The following MYO10 variants were observed in gnomAD, a reference collection of about 807,000 sequenced individuals.
MYO10 encodes myosin X.
MYO10 carries 133 observed loss-of-function variants against 257.3 expected under a neutral mutation model. The ratio of observed to expected loss-of-function variants is 0.52; its 90% CI spans 0.45 to 0.60. MYO10 has a LOEUF of 0.60. MYO10 is among the 20% of genes least tolerant of loss of function. MYO10 has a pLI of 0.00. For synonymous variants in MYO10, 1,104 were observed against 1,028.6 expected (o/e 1.07, Z -1.40); for missense variants, 2,399 against 2,635.7 (o/e 0.91, Z 1.97).
At position 16,807,322 on chromosome 5, in the gene MYO10, T is replaced by C. The variant is rs1872003; in HGVS notation, c.279+10687A>G. Among the ~76,000 whole-genome samples the C allele has an allele frequency of 2.2e-4, 33 of 152,240 alleles. No homozygotes were observed. In the East Asian group the frequency reaches 4.8e-3, roughly 22 times the overall value. On this transcript the variant is annotated intron_variant, in intron 3 of 40. Transcript: ENST00000513610. Reference sequence around the variant, plus strand: ...TCACACATAGTGACAACTTGACAAATGGCACCACAGCCTACCCAAATGAGT... The same window carrying C: ...TCACACATAGTGACAACTTGACAAACGGCACCACAGCCTACCCAAATGAGT...
At chr5:16,922,078 G>C (rs1348021283) in intron 1 of MYO10, among the ~76,000 whole-genome samples, 1 of 152,062 alleles carries the variant, frequency 6.6e-6, no homozygotes, top group African/African-American at 2.4e-5. Context: ...GCCAGGCGTG[G>C]TGGTGCGTGC....
chr5:16,809,980 A>G (rs1742388065), intron 3 of MYO10, among the ~76,000 whole-genome samples: 1 of 152,106 alleles, frequency 6.6e-6, no homozygotes, highest in Non-Finnish European at 1.5e-5. Flanking sequence ...CAACTGACCC[A>G]GAGCTCCACA....
In MYO10 at chr5:16,699,506, T is replaced by C. The variant is rs1737925577; in HGVS notation, c.3500A>G (p.Asp1167Gly). The part of the protein sequence containing the change: ...DTDDELSYRR[D>G]SVYSCVTLPY... ...CAGAGTGACACAGCTGTACACAGAG[T>C]CACGCCGGTATGAAAGCTCATCATC... The change falls in exon 26 of 41, where the codon GAC becomes GGC. Residue 1167 changes from aspartate (D) to glycine (G), a missense_variant. Physicochemically the swap from Asp to Gly is moderately conservative, Grantham distance 94. Around this residue, in one of 3 missense-constraint regions of MYO10, gnomAD observed 1,820 missense variants for 1,939.4 expected, o/e 0.94. Coordinates refer to ENST00000513610, the MANE Select transcript of MYO10 (RefSeq NM_012334.3). 6.2e-7 allele frequency: 1 copy of C among 1,612,764 alleles called. No individual in the cohort carries two copies. Among genetic ancestry groups the C allele is most frequent in the South Asian group, 1.1e-5 (1 of 91,008 alleles).
intron 34 of MYO10, 133 bp downstream of exon 34, chr5:16,675,898 T>A: frequency 1.8e-6 from 2 of 1,135,516 alleles, no homozygotes; most frequent in Non-Finnish European, 2.5e-6. Flanking sequence ...GTATATTTCA[T>A]CTTTTCCTTC....
chr5:16,878,128 A>T (rs7711618), intron 1 of MYO10, among the ~76,000 whole-genome samples: 3 of 152,088 alleles, frequency 2.0e-5, no homozygotes, highest in Admixed American at 2.0e-4. Context: ...TCCAGAAACC[A>T]GAAGTTTAAC....
rs539147846 is a variant in MYO10 at position 16,702,919 on chromosome 5, C to G, written c.2510+6G>C. 1 of 1,549,892 alleles carries G rather than the reference C, an allele frequency of 6.5e-7. No homozygotes were observed. Among genetic ancestry groups the G allele is most frequent in the African/African-American group, 1.4e-5 (1 of 73,002 alleles). ...TTGTTTCATCCCAGCAAGAAAGGTA[C>G]TGTACCTTTCTTCTTCCTCCCGTTT... is the stretch of plus-strand genomic sequence containing the variant. On this transcript the variant is annotated splice_donor_region_variant and intron_variant, in intron 23 of 40. Transcript: ENST00000513610.
chr5:16,806,844 T>G (rs888002999), intron 3 of MYO10, among the ~76,000 whole-genome samples: 3 of 152,060 alleles, frequency 2.0e-5, no homozygotes, highest in Non-Finnish European at 1.5e-5. Context: ...TGGCACTGCT[T>G]CACTCCCCCG....
intron 1 of MYO10, among the ~76,000 whole-genome samples, chr5:16,906,888 G>A (rs1218798890): frequency 2.0e-5 from 3 of 152,122 alleles, no homozygotes; most frequent in Admixed American, 2.0e-4. Context: ...GAGGCGGGTG[G>A]ATCACCTGAG....
At chr5:16,786,278 G>A (rs1741577698) in intron 4 of MYO10, among the ~76,000 whole-genome samples, 1 of 152,098 alleles carries the variant, frequency 6.6e-6, no homozygotes, top group Non-Finnish European at 1.5e-5. Flanking sequence ...GCAGAGGCTT[G>A]GTCAAAGAAA....
At chr5:16,880,193 T>G (rs1303653259) in intron 1 of MYO10, among the ~76,000 whole-genome samples, 2 of 151,716 alleles carry the variant, frequency 1.3e-5, no homozygotes, top group Non-Finnish European at 2.9e-5. Flanking sequence ...AATAAATAAA[T>G]AAGTAAATAA....
chr5:16,890,149 G>A (rs1309390484), intron 1 of MYO10, among the ~76,000 whole-genome samples: 2 of 151,558 alleles, frequency 1.3e-5, no homozygotes, highest in Admixed American at 6.6e-5. Context: ...ATCACATATC[G>A]AAAACAAATT....
intron 1 of MYO10, among the ~76,000 whole-genome samples, chr5:16,920,128 G>A (rs79191271): frequency 0.066 from 9,988 of 150,430 alleles, 362 homozygotes; most frequent in African/African-American, 0.1. Context: ...AAAAAAATTA[G>A]CTGGGCTTGG....
At chr5:16,703,247 A>G in intron 22 of MYO10, 89 bp from the exon 23 acceptor site, 1 of 976,004 alleles carries the variant, frequency 1.0e-6, no homozygotes, top group Non-Finnish European at 1.5e-6. Flanking sequence ...TACAAGACAA[A>G]AGAGGACCCA....
chr5:16,816,739 C>T (rs1467974847), intron 3 of MYO10, among the ~76,000 whole-genome samples: 1 of 151,736 alleles, frequency 6.6e-6, no homozygotes, highest in Non-Finnish European at 1.5e-5. Context: ...CCATGTTGGC[C>T]AGGATGGTCC....
At chr5:16,926,420 G>A (rs1314893498) in intron 1 of MYO10, among the ~76,000 whole-genome samples, 1 of 152,120 alleles carries the variant, frequency 6.6e-6, no homozygotes, top group African/African-American at 2.4e-5. Flanking sequence ...AGAACAATCT[G>A]GCCAGGTGGG....
At chr5:16,672,308 A>AAAAAAAG (rs397796808) in intron 37 of MYO10, among the ~76,000 whole-genome samples, 2 of 151,720 alleles carry the variant, frequency 1.3e-5, no homozygotes, top group Admixed American at 6.6e-5. Flanking sequence ...AAAAAAAAAA[A>AAAAAAAG]GTAGGTCCAT....
intron 1 of MYO10, chr5:16,916,185 G>A (rs1208102845): frequency 1.4e-4 from 62 of 455,268 alleles, no homozygotes; most frequent in Admixed American, 8.9e-4. Flanking sequence ...GTTCCGCCAC[G>A]TCAGGGTCAG....
At chr5:16,929,805 T>C in intron 1 of MYO10, among the ~76,000 whole-genome samples, 1 of 152,192 alleles carries the variant, frequency 6.6e-6, no homozygotes, top group Non-Finnish European at 1.5e-5. Context: ...TTGAATATTT[T>C]CAATCAGAGG....
intron 24 of MYO10, among the ~76,000 whole-genome samples, chr5:16,702,194 T>A (rs545390208): frequency 6.6e-6 from 1 of 152,292 alleles, no homozygotes; most frequent in South Asian, 2.1e-4. Context: ...ACATCAAACT[T>A]AAGGATAACT....
Sources: gnomAD v4.1 joint callset for allele counts (sites outside exome capture counted in the v4.1 genomes callset) on GRCh38, gnomAD v4.1.1 for gene constraint, gnomAD v4.1.1 regional missense constraint, MANE v1.5 for transcripts, NCBI Gene and HGNC (gene_info 2026-07-23, HGNC 2026-07-21) for gene names.